The following PDE4B variants were observed in gnomAD, a reference collection of about 807,000 sequenced individuals.
PDE4B encodes the protein phosphodiesterase 4B, also known as 3',5'-cyclic-AMP phosphodiesterase 4B.
A neutral mutation model predicts 82.2 loss-of-function variants in PDE4B; 20 were observed. The observed-to-expected ratio is 0.24, with a 90% CI of 0.17 to 0.35. PDE4B has a LOEUF of 0.35. Among genes scored for constraint, PDE4B ranks in the 10% least tolerant of loss-of-function variants. The pLI, the probability that PDE4B is intolerant of heterozygous loss-of-function variation, is 1.00. For synonymous variants in PDE4B, 320 were observed against 318.9 expected, an observed-to-expected ratio of 1.00 and a Z score of -0.04; for missense variants, 655 against 907.2, an observed-to-expected ratio of 0.72 and a Z score of 3.57.
intron 3 of PDE4B, among the ~76,000 whole-genome samples, chr1:65,927,829 C>T (rs1470811493): frequency 6.6e-6 from 1 of 152,088 alleles, no homozygotes; most frequent in Non-Finnish European, 1.5e-5. Context: ...GTCAGGGAGC[C>T]AATGTGGGGG....
chr1:65,930,018 A>G (rs1391738550), intron 3 of PDE4B, among the ~76,000 whole-genome samples: 1 of 152,204 alleles, frequency 6.6e-6, no homozygotes, highest in Non-Finnish European at 1.5e-5. Context: ...GGACAGAACT[A>G]CTAGGATACA....
chr1:66,365,997 C>A (rs1432986528), intron 13 of PDE4B, among the ~76,000 whole-genome samples: 2 of 152,002 alleles, frequency 1.3e-5, no homozygotes, highest in South Asian at 4.2e-4. Flanking sequence ...AAAAAGTACT[C>A]AAAATTTGGC....
intron 3 of PDE4B, among the ~76,000 whole-genome samples, chr1:66,168,103 C>G (rs1646771803): frequency 6.6e-6 from 1 of 152,162 alleles, no homozygotes; most frequent in African/African-American, 2.4e-5. Flanking sequence ...ACTAGACCAA[C>G]TATCTTCTTT....
At chr1:66,040,520 A>C (rs561337299) in intron 3 of PDE4B, among the ~76,000 whole-genome samples, 2 of 152,008 alleles carry the variant, frequency 1.3e-5, no homozygotes, top group South Asian at 2.1e-4. Context: ...GGCACCTAGG[A>C]AAAAAAGGTT....
At chr1:66,053,884 A>C (rs1204701374) in intron 3 of PDE4B, among the ~76,000 whole-genome samples, 3 of 151,992 alleles carry the variant, frequency 2.0e-5, no homozygotes, top group Non-Finnish European at 4.4e-5. Flanking sequence ...ATAATAATAA[A>C]AGGAATGGGA....
At position 65,936,495 on chromosome 1, in the gene PDE4B, C is replaced by A. The variant is rs116378914; in HGVS notation, c.281+17660C>A. Among the ~76,000 whole-genome samples the A allele has an allele frequency of 7.1e-3, 1,081 of 152,234 alleles. 17 individuals are homozygous for A. Among genetic ancestry groups the A allele is most frequent in the African/African-American group, 0.025 (1,034 of 41,530 alleles). Reference sequence around the variant, plus strand: ...CCAAATATTATTATGCTATACATGACTGTATTGGAAATAACAAGGAAAGAA... The same window carrying A: ...CCAAATATTATTATGCTATACATGAATGTATTGGAAATAACAAGGAAAGAA... On this transcript the variant is annotated intron_variant, in intron 3 of 16. Coordinates refer to ENST00000341517, the MANE Select transcript of PDE4B (RefSeq NM_002600.4).
At chr1:66,315,287 A>G (rs1367323911) in intron 7 of PDE4B, among the ~76,000 whole-genome samples, 3 of 152,226 alleles carry the variant, frequency 2.0e-5, no homozygotes, top group Non-Finnish European at 4.4e-5. Context: ...GGAGTTAGAG[A>G]AAGTAAAATG....
chr1:66,299,875 T>C (rs1657763027), intron 7 of PDE4B, among the ~76,000 whole-genome samples: 1 of 152,170 alleles, frequency 6.6e-6, no homozygotes, highest in Non-Finnish European at 1.5e-5. Flanking sequence ...AAATTGAATT[T>C]TATCAAATGC....
chr1:66,120,474 C>G (rs1344533772), intron 3 of PDE4B, among the ~76,000 whole-genome samples: 1 of 152,144 alleles, frequency 6.6e-6, no homozygotes, highest in East Asian at 1.9e-4. Flanking sequence ...CATCATATCT[C>G]CTGAAAGTTT....
chr1:65,943,424 C>T (rs907446711), intron 3 of PDE4B, among the ~76,000 whole-genome samples: 4 of 151,880 alleles, frequency 2.6e-5, no homozygotes, highest in Admixed American at 2.6e-4. Flanking sequence ...ATTTTGAAAT[C>T]AGGTAGTGTG....
At chr1:66,027,441 A>C (rs937136895) in intron 3 of PDE4B, among the ~76,000 whole-genome samples, 3 of 152,150 alleles carry the variant, frequency 2.0e-5, no homozygotes, top group Non-Finnish European at 4.4e-5. Context: ...TTGGATTCAG[A>C]CACAGCCAAA....
At chr1:65,996,575 C>T (rs905384303) in intron 3 of PDE4B, among the ~76,000 whole-genome samples, 2 of 152,078 alleles carry the variant, frequency 1.3e-5, no homozygotes, top group Admixed American at 6.5e-5. Flanking sequence ...TATGTTATCC[C>T]ATTTAAGTTT....
At chr1:66,022,282 T>C (rs1653172491) in intron 3 of PDE4B, among the ~76,000 whole-genome samples, 1 of 152,170 alleles carries the variant, frequency 6.6e-6, no homozygotes, top group African/African-American at 2.4e-5. Context: ...CCTCTTTTCC[T>C]AATTGAATAC....
intron 3 of PDE4B, among the ~76,000 whole-genome samples, chr1:66,037,860 AT>A (rs1654151623): frequency 6.6e-6 from 1 of 152,198 alleles, no homozygotes; most frequent in Admixed American, 6.5e-5. Flanking sequence ...GGATCAAAAA[AT>A]ATTAATGAAA....
intron 1 of PDE4B, among the ~76,000 whole-genome samples, chr1:65,874,382 C>T (rs1454420558): frequency 6.6e-6 from 1 of 152,164 alleles, no homozygotes; most frequent in Non-Finnish European, 1.5e-5. Flanking sequence ...ATTTGACTTC[C>T]TCTTTTCCTA....
At chr1:66,052,400 A>G (rs1433450071) in intron 3 of PDE4B, among the ~76,000 whole-genome samples, 1 of 152,110 alleles carries the variant, frequency 6.6e-6, no homozygotes, top group Non-Finnish European at 1.5e-5. Flanking sequence ...TTATAATGAT[A>G]GGGTTTCAGG....
intron 3 of PDE4B, among the ~76,000 whole-genome samples, chr1:66,006,510 C>A (rs528614895): frequency 1.3e-5 from 2 of 152,140 alleles, no homozygotes; most frequent in East Asian, 3.9e-4. Context: ...ACTTGGGAGG[C>A]TGAGGCGAGA....
intron 3 of PDE4B, among the ~76,000 whole-genome samples, chr1:65,936,860 T>A (rs1648175131): frequency 6.6e-6 from 1 of 152,212 alleles, no homozygotes; most frequent in Non-Finnish European, 1.5e-5. Context: ...AATTTTAATC[T>A]GGGGGCAATT....
chr1:66,072,324 G>T (rs1172671954), intron 3 of PDE4B, among the ~76,000 whole-genome samples: 1 of 152,064 alleles, frequency 6.6e-6, no homozygotes, highest in Non-Finnish European at 1.5e-5. Context: ...AAAGACAGCT[G>T]ATTTCCAAAA....
Sources: allele counts gnomAD v4.1 joint callset (sites outside exome capture counted in the v4.1 genomes callset), GRCh38; gene constraint gnomAD v4.1.1; transcripts MANE v1.5; gene names NCBI Gene and HGNC (gene_info 2026-07-23, HGNC 2026-07-21).